The following KCTD18 variants were observed in gnomAD, a reference collection of about 807,000 sequenced individuals.
KCTD18 encodes BTB/POZ domain-containing protein KCTD18.
In KCTD18, 22 loss-of-function variants were observed where a neutral mutation model predicts 30.4. That is an observed-to-expected ratio of 0.72 (90% CI 0.52 to 1.03). KCTD18 has a LOEUF of 1.03. KCTD18 is among the 50% of genes least tolerant of loss of function. KCTD18 has a pLI of 0.00. For synonymous variants in KCTD18, 186 were observed against 209.0 expected, an observed-to-expected ratio of 0.89 and a Z score of 0.95; for missense variants, 529 against 547.6, an observed-to-expected ratio of 0.97 and a Z score of 0.34.
rs570231011 is a variant in KCTD18 at position 200,489,150 on chromosome 2, T to C, written c.*950A>G. The C allele has an allele frequency of 2.0e-5, 3 of 152,544 alleles. No individual in the cohort carries two copies. The highest frequency in any genetic ancestry group is 4.8e-5 in the African/African-American group (2 of 41,432). The allele number at this position is 152,544 out of a possible 1,614,324, so 9.4% of individuals were successfully genotyped here. A position where few individuals can be genotyped will look rare whatever the true frequency, so the allele number is the denominator to read the frequency against. ...AAATATGTGATCCAATTACAAAACATAACATTTACGAATAAACACACACAA... is the reference window on the plus strand; with the variant it reads ...AAATATGTGATCCAATTACAAAACACAACATTTACGAATAAACACACACAA... On this transcript the variant is annotated 3_prime_UTR_variant, in exon 7 of 7. Transcript: ENST00000359878.
intron 5 of KCTD18, among the ~76,000 whole-genome samples, chr2:200,493,626 A>G (rs1293631324): frequency 6.6e-6 from 1 of 152,192 alleles, no homozygotes; most frequent in Non-Finnish European, 1.5e-5. Flanking sequence ...TCACCTTGGG[A>G]AAGTTACTTT....
intron 5 of KCTD18, among the ~76,000 whole-genome samples, chr2:200,495,367 G>C (rs568213629): frequency 6.6e-6 from 1 of 152,116 alleles, no homozygotes; most frequent in Non-Finnish European, 1.5e-5. Flanking sequence ...GACATTTAAA[G>C]TGTTTTTATT....
intron 1 of KCTD18, among the ~76,000 whole-genome samples, chr2:200,508,769 G>A (rs1342451737): frequency 1.3e-5 from 2 of 152,164 alleles, no homozygotes. Context: ...ATCTCGCACT[G>A]CCTAGAAGTC....
intron 5 of KCTD18, among the ~76,000 whole-genome samples, chr2:200,495,653 G>A (rs919821140): frequency 2.6e-5 from 4 of 151,678 alleles, no homozygotes; most frequent in Admixed American, 2.0e-4. Context: ...GAATGAAGCT[G>A]AACCGCCTGC....
At chr2:200,492,091 G>C in intron 6 of KCTD18, among the ~76,000 whole-genome samples, 1 of 152,138 alleles carries the variant, frequency 6.6e-6, no homozygotes, top group Non-Finnish European at 1.5e-5. Flanking sequence ...ACACAGAGGA[G>C]GGTCTCCGTA....
In KCTD18 at chr2:200,498,889, A is replaced by G. The variant is rs2088038465; in HGVS notation, c.566+2T>C. On this transcript the variant is annotated splice_donor_variant, in intron 4 of 6. Coordinates refer to ENST00000359878, the MANE Select transcript of KCTD18 (RefSeq NM_152387.4). LOFTEE classifies it high-confidence loss of function. The stretch of plus-strand genomic sequence containing the variant: ...CTTTTTCACATTTAAATTTGGACAT[A>G]CCTTTTAAAAATGCCTTTGCTGTGA... 1.9e-6 allele frequency: 3 copies of G among 1,612,788 alleles called. No homozygotes were observed. The highest frequency in any genetic ancestry group is 1.7e-6 in the Non-Finnish European group (2 of 1,179,010).
At chr2:200,503,944 A>G (rs2030016180) in intron 3 of KCTD18, among the ~76,000 whole-genome samples, 1 of 152,252 alleles carries the variant, frequency 6.6e-6, no homozygotes, top group Admixed American at 6.5e-5. Context: ...AATCATGTAA[A>G]GATCTTTAAA....
At chr2:200,497,700 CTTTT>C in intron 5 of KCTD18, 49 bp downstream of exon 5, 3 of 1,051,492 alleles carry the variant, frequency 2.9e-6, no homozygotes, top group Non-Finnish European at 4.2e-6. Flanking sequence ...CTTACTTTGT[CTTTT>C]TTTTTTAAAG....
chr2:200,499,251 A>AT (rs147029988), intron 3 of KCTD18, among the ~76,000 whole-genome samples, 167 bp from the exon 4 acceptor site: 21,585 of 151,980 alleles, frequency 0.14, 1,692 homozygotes, highest in Middle Eastern at 0.18. Context: ...TCAAACACAC[A>AT]TTTTTTTTAA....
At chr2:200,500,984 A>G (rs2088075293) in intron 3 of KCTD18, among the ~76,000 whole-genome samples, 1 of 151,522 alleles carries the variant, frequency 6.6e-6, no homozygotes, top group Non-Finnish European at 1.5e-5. Context: ...AACGCCACAT[A>G]TCTACAACTA....
chr2:200,503,232 C>T (rs938305514), intron 3 of KCTD18, among the ~76,000 whole-genome samples: 2 of 152,108 alleles, frequency 1.3e-5, no homozygotes, highest in Admixed American at 6.5e-5. Context: ...CTGACACAAA[C>T]GAGATGCCTA....
At chr2:200,491,804 C>T (rs1232099769) in intron 6 of KCTD18, among the ~76,000 whole-genome samples, 1 of 152,234 alleles carries the variant, frequency 6.6e-6, no homozygotes, top group Non-Finnish European at 1.5e-5. Context: ...TGCTCTCTTG[C>T]AAGTCTGCAT....
intron 1 of KCTD18, among the ~76,000 whole-genome samples, chr2:200,508,580 T>C (rs1477457239): frequency 6.6e-6 from 1 of 151,228 alleles, no homozygotes; most frequent in Non-Finnish European, 1.5e-5. Flanking sequence ...ACTACATCCA[T>C]GTCAATTCAC....
At chr2:200,491,883 A>G (rs1371741715) in intron 6 of KCTD18, among the ~76,000 whole-genome samples, 1 of 152,210 alleles carries the variant, frequency 6.6e-6, no homozygotes. Flanking sequence ...GGATCATAAT[A>G]ACGTGGTTAT....
rs780718402 is a variant in KCTD18, at chr2:200,490,263, G to A, written c.1118C>T (p.Pro373Leu). The A allele has an allele frequency of 1.2e-6, 2 of 1,614,260 alleles. No individual in the cohort carries two copies. The highest frequency in any genetic ancestry group is 1.1e-5 in the South Asian group (1 of 91,092). ...KVLLSDKKPT[P>L]QRVIKLKRTP... ...CCTCTTCAGCTTTATCACCCGCTGG[G>A]GTGTAGGCTTCTTGTCGGAGAGTAG... The change falls in exon 7 of 7, where the codon CCC (proline) becomes CTC (leucine). Residue 373 changes from proline to leucine, a missense_variant. By Grantham distance (98) the Pro-to-Leu change is moderately conservative. Transcript: ENST00000359878.
In KCTD18 at chr2:200,490,220, GGTGGCGCA is replaced by G. The variant is rs2087888660; in HGVS notation, c.1153_1160del (p.Cys385ArgfsTer32). On this transcript the variant is annotated frameshift_variant, in exon 7 of 7. Transcript: ENST00000359878. LOFTEE classifies it low-confidence loss of function (END_TRUNC). ...CCGTGGGGGAGGGCAGGCAAGGCGC[GGTGGCGCA>G]CAGCGGAGTCCTCTTCAGCTTTATC... 7.0e-6 allele frequency: 11 copies of G among 1,580,390 alleles called. No homozygotes were observed. Among genetic ancestry groups the G allele is most frequent in the Non-Finnish European group, 9.5e-6 (11 of 1,151,942 alleles).
At chr2:200,492,564 T>C (rs2087935477) in intron 6 of KCTD18, among the ~76,000 whole-genome samples, 1 of 152,194 alleles carries the variant, frequency 6.6e-6, no homozygotes, top group South Asian at 2.1e-4. Context: ...TGAAATTCCA[T>C]ACGGGCATTC....
Position 200,506,859 on chromosome 2 carries a change from G to A in KCTD18, c.158C>T (p.Ser53Leu). The change falls in exon 2 of 7, where the codon TCA (serine) becomes TTA (leucine). Residue 53 changes from serine (S) to leucine (L), a missense_variant and splice_region_variant. Ser to Leu is a moderately radical substitution (Grantham distance 145). Transcript: ENST00000359878. ...GCTTTCAGACTTTAGACATTTACCTGACTCATCTGTTTTTAGAGGAAAGCG... is the reference window on the plus strand; with the variant it reads ...GCTTTCAGACTTTAGACATTTACCTAACTCATCTGTTTTTAGAGGAAAGCG... ...SGRFPLKTDESGACVIDRDGR... is the reference protein window; with the variant it reads ...SGRFPLKTDELGACVIDRDGR... 6.2e-7 allele frequency: 1 copy of A among 1,613,296 alleles called. No homozygotes were observed. The highest frequency in any genetic ancestry group is 1.1e-5 in the South Asian group (1 of 90,938).
rs1174816597 is a variant in KCTD18, at chr2:200,510,007, T to G, written c.-455A>C. ...GGGGCGGGTCGGCAGCTTCCCAGAC[T>G]GACCTGCGGCCCGCCAGACCCTCGG... is the stretch of plus-strand genomic sequence containing the variant. On this transcript the variant is annotated 5_prime_UTR_variant, in exon 1 of 7. Transcript: ENST00000359878. 4 of 151,928 alleles carry G rather than the reference T, an allele frequency of 2.6e-5. No homozygotes were observed. Among genetic ancestry groups the G allele is most frequent in the Admixed American group, 1.3e-4 (2 of 15,270 alleles). The allele number at this position is 151,928 out of a possible 1,614,324, so 9.4% of individuals were successfully genotyped here.
Sources: gnomAD v4.1 joint callset for allele counts (sites outside exome capture counted in the v4.1 genomes callset) on GRCh38, gnomAD v4.1.1 for gene constraint, MANE v1.5 for transcripts, NCBI Gene and HGNC (gene_info 2026-07-23, HGNC 2026-07-21) for gene names.